SYN3: variants seen among roughly 807,000 people sequenced by gnomAD.
SYN3 encodes the protein synapsin III.
SYN3 carries 35 observed loss-of-function variants against 65.8 expected under a neutral mutation model. That is an observed-to-expected ratio of 0.53 (90% CI 0.41 to 0.70). The LOEUF is 0.70. Ranked by LOEUF, SYN3 falls within the 30% of genes least tolerant of loss-of-function variation. SYN3 has a pLI of 0.00. For missense variants in SYN3, 680 were observed against 749.0 expected, an observed-to-expected ratio of 0.91 and a Z score of 1.08; for synonymous variants, 270 against 292.9, an observed-to-expected ratio of 0.92 and a Z score of 0.80.
chr22:32,627,820 G>GTTTGTT (rs571196677), intron 6 of SYN3, among the ~76,000 whole-genome samples: 10 of 149,742 alleles, frequency 6.7e-5, no homozygotes, highest in African/African-American at 1.0e-4. Flanking sequence ...CATTTTTTTT[G>GTTTGTT]TTTGTTTTTG....
At chr22:32,622,024 A>T (rs2059602499) in intron 6 of SYN3, among the ~76,000 whole-genome samples, 1 of 151,868 alleles carries the variant, frequency 6.6e-6, no homozygotes, top group African/African-American at 2.4e-5. Flanking sequence ...CCTCCCCTAC[A>T]GGAAGGGTGG....
At chr22:32,524,617 G>A (rs2057944222) in intron 12 of SYN3, among the ~76,000 whole-genome samples, 1 of 152,228 alleles carries the variant, frequency 6.6e-6, no homozygotes, top group African/African-American at 2.4e-5. Flanking sequence ...TTCTGATGGA[G>A]ATGTACAAGA....
At chr22:32,831,833 T>C (rs922802961) in intron 6 of SYN3, among the ~76,000 whole-genome samples, 1 of 151,776 alleles carries the variant, frequency 6.6e-6, no homozygotes, top group African/African-American at 2.4e-5. Context: ...GCCTGGAAAA[T>C]AGGATGTCAC....
chr22:32,660,496 A>C (rs1388606427), intron 6 of SYN3, among the ~76,000 whole-genome samples: 1 of 152,278 alleles, frequency 6.6e-6, no homozygotes, highest in East Asian at 1.9e-4. Flanking sequence ...TGGAGGGAAG[A>C]GACCACTTCC....
At chr22:32,606,575 CG>C (rs1340718271) in intron 6 of SYN3, among the ~76,000 whole-genome samples, 5 of 152,132 alleles carry the variant, frequency 3.3e-5, no homozygotes, top group Non-Finnish European at 7.4e-5. Flanking sequence ...CAAAACTTCA[CG>C]GCTTACGGGG....
chr22:32,859,218 C>T (rs2048465697), intron 6 of SYN3: 4 of 1,614,196 alleles, frequency 2.5e-6, no homozygotes, highest in East Asian at 4.5e-5. Flanking sequence ...TTGTGACTTC[C>T]AAGAACGAGT....
intron 6 of SYN3, among the ~76,000 whole-genome samples, chr22:32,754,640 C>T (rs1355433844): frequency 6.6e-6 from 1 of 152,180 alleles, no homozygotes. Flanking sequence ...CCCGGCTCCC[C>T]CTTCCCCTCA....
chr22:32,868,877 C>T, intron 5 of SYN3, 89 bp downstream of exon 5: 1 of 1,274,932 alleles, frequency 7.8e-7, no homozygotes, highest in East Asian at 2.7e-5. Context: ...ACTACTGAGG[C>T]CTCCATGCTG....
At chr22:32,734,237 T>C (rs913221393) in intron 6 of SYN3, among the ~76,000 whole-genome samples, 1 of 152,302 alleles carries the variant, frequency 6.6e-6, no homozygotes, top group East Asian at 1.9e-4. Flanking sequence ...GTTAACAGTA[T>C]GAGTGGATAC....
chr22:33,015,835 A>ATTTT (rs2053453613), intron 1 of SYN3, among the ~76,000 whole-genome samples: 1 of 134,884 alleles, frequency 7.4e-6, no homozygotes, highest in Non-Finnish European at 1.6e-5. Flanking sequence ...TAATAGGCAA[A>ATTTT]TTTTCTTTTC....
At chr22:32,703,331 A>G (rs183921950) in intron 6 of SYN3, among the ~76,000 whole-genome samples, 262 of 152,272 alleles carry the variant, frequency 1.7e-3, no homozygotes, top group Non-Finnish European at 3.0e-3. Context: ...TTCTGACCCA[A>G]TGGAGTTAAA....
intron 6 of SYN3, among the ~76,000 whole-genome samples, chr22:32,679,839 C>CTTTTTTTTTTTTTGTTTTTTTT (rs2060498062): frequency 2.6e-5 from 1 of 39,146 alleles, no homozygotes; most frequent in Non-Finnish European, 4.6e-5. Context: ...TGTTTTTTGG[C>CTTTTTTTTTTTTTGTTTTTTTT]TTTTTTTTTT....
chr22:32,994,163 A>C (rs1215909503), intron 2 of SYN3, among the ~76,000 whole-genome samples: 5 of 152,120 alleles, frequency 3.3e-5, no homozygotes, highest in Non-Finnish European at 7.4e-5. Context: ...TGGGTGCCGC[A>C]CAAGGCCCTC....
intron 4 of SYN3, among the ~76,000 whole-genome samples, chr22:32,901,744 C>A (rs147522658): frequency 2.0e-5 from 3 of 152,224 alleles, no homozygotes; most frequent in African/African-American, 7.2e-5. Flanking sequence ...CTAACTTGCC[C>A]GAGGGCACAC....
chr22:32,696,720 C>T (rs976091203), intron 6 of SYN3, among the ~76,000 whole-genome samples: 1 of 152,160 alleles, frequency 6.6e-6, no homozygotes, highest in Non-Finnish European at 1.5e-5. Context: ...GAAAACGGCT[C>T]TTCCCACCTT....
At chr22:32,631,949 T>C (rs2059752692) in intron 6 of SYN3, among the ~76,000 whole-genome samples, 2 of 152,184 alleles carry the variant, frequency 1.3e-5, no homozygotes, top group Non-Finnish European at 2.9e-5. Flanking sequence ...AGGTGAGGAA[T>C]TTGCCTTTGG....
At chr22:33,047,907 G>A (rs1429410955) in intron 1 of SYN3, among the ~76,000 whole-genome samples, 2 of 149,958 alleles carry the variant, frequency 1.3e-5, no homozygotes, top group African/African-American at 4.9e-5. Context: ...AGAGAGGTTA[G>A]GTAACATGAC....
intron 1 of SYN3, among the ~76,000 whole-genome samples, chr22:33,053,160 C>T (rs1479234499): frequency 6.6e-6 from 1 of 152,192 alleles, no homozygotes; most frequent in Non-Finnish European, 1.5e-5. Flanking sequence ...CAGTGGCTCA[C>T]ACCTGTAATC....
At chr22:32,646,494 A>G (rs1374686425) in intron 6 of SYN3, among the ~76,000 whole-genome samples, 1 of 152,222 alleles carries the variant, frequency 6.6e-6, no homozygotes, top group African/African-American at 2.4e-5. Context: ...CAGTTTCCAT[A>G]AATATTTACA....
Sources: allele counts gnomAD v4.1 joint callset (sites outside exome capture counted in the v4.1 genomes callset), GRCh38; gene constraint gnomAD v4.1.1; transcripts MANE v1.5; gene names NCBI Gene and HGNC (gene_info 2026-07-23, HGNC 2026-07-21).